Variants in BCAS3 observed in about 807,000 individuals in gnomAD.
BCAS3 encodes BCAS4/BCAS3 fusion.
BCAS3 carries 53 observed loss-of-function variants against 116.1 expected under a neutral mutation model. The observed-to-expected ratio is 0.46, with a 90% CI of 0.37 to 0.57. BCAS3 has a LOEUF of 0.57. BCAS3 is among the 20% of genes least tolerant of loss of function. The pLI is 0.00. For missense variants in BCAS3, 917 were observed against 1,165.4 expected (o/e 0.79, Z 3.10); for synonymous variants, 391 against 408.2 (o/e 0.96, Z 0.51).
At chr17:61,318,762 G>A (rs1176594338) in intron 22 of BCAS3, among the ~76,000 whole-genome samples, 1 of 152,170 alleles carries the variant, frequency 6.6e-6, no homozygotes, top group African/African-American at 2.4e-5. Flanking sequence ...AGTCCAGCTG[G>A]CGTGTCTTTG....
At chr17:60,711,387 A>G (rs1197920794) in intron 5 of BCAS3, among the ~76,000 whole-genome samples, 1 of 152,062 alleles carries the variant, frequency 6.6e-6, no homozygotes, top group East Asian at 1.9e-4. Flanking sequence ...TTGTGATAAA[A>G]CAAAAGGGTT....
At chr17:61,120,699 A>G (rs982083726) in intron 22 of BCAS3, among the ~76,000 whole-genome samples, 1 of 152,136 alleles carries the variant, frequency 6.6e-6, no homozygotes, top group Non-Finnish European at 1.5e-5. Flanking sequence ...TTTAGTACAT[A>G]TCTCTAAAAA....
chr17:60,729,397 G>A (rs2040236110), intron 5 of BCAS3, among the ~76,000 whole-genome samples: 2 of 148,526 alleles, frequency 1.3e-5, no homozygotes, highest in African/African-American at 5.0e-5. Flanking sequence ...TAGAAATTGT[G>A]GCCCCATCAC....
At chr17:60,889,845 G>A in intron 10 of BCAS3, 74 bp downstream of exon 10, 1 of 1,342,182 alleles carries the variant, frequency 7.5e-7, no homozygotes, top group Admixed American at 1.8e-5. Flanking sequence ...AAATACCTGT[G>A]CTCCATAGTT....
intron 7 of BCAS3, among the ~76,000 whole-genome samples, chr17:60,858,690 A>G (rs2053890645): frequency 6.6e-6 from 1 of 152,058 alleles, no homozygotes; most frequent in Non-Finnish European, 1.5e-5. Context: ...TGACTGTACC[A>G]TTTTGCGTCT....
intron 22 of BCAS3, among the ~76,000 whole-genome samples, chr17:61,340,276 A>C (rs1447996730): frequency 6.8e-6 from 1 of 147,568 alleles, no homozygotes; most frequent in Non-Finnish European, 1.5e-5. Context: ...GGGCTGGTGC[A>C]TACATGGAGG....
intron 7 of BCAS3, among the ~76,000 whole-genome samples, chr17:60,819,260 GA>G (rs2144673714): frequency 6.6e-6 from 1 of 152,208 alleles, no homozygotes; most frequent in African/African-American, 2.4e-5. Flanking sequence ...ACACCTGACT[GA>G]CACTTAATAC....
At chr17:60,928,421 ATT>A (rs1030624523) in intron 13 of BCAS3, among the ~76,000 whole-genome samples, 2 of 152,188 alleles carry the variant, frequency 1.3e-5, no homozygotes, top group African/African-American at 4.8e-5. Flanking sequence ...TAGTGGACTC[ATT>A]AGTTTGTTGT....
chr17:60,890,777 T>C (rs2145004875), intron 10 of BCAS3, among the ~76,000 whole-genome samples: 1 of 152,340 alleles, frequency 6.6e-6, no homozygotes, highest in Middle Eastern at 3.4e-3. Context: ...TTACTATTTT[T>C]GGTTTCGTTT....
intron 4 of BCAS3, among the ~76,000 whole-genome samples, chr17:60,708,945 C>T (rs2037519927): frequency 6.6e-6 from 1 of 152,108 alleles, no homozygotes; most frequent in Non-Finnish European, 1.5e-5. Context: ...AGGTGTAAGC[C>T]ACCATGCCCA....
intron 6 of BCAS3, among the ~76,000 whole-genome samples, chr17:60,761,355 C>A (rs760449643): frequency 6.6e-6 from 1 of 151,950 alleles, no homozygotes; most frequent in South Asian, 2.1e-4. Context: ...AATGCTCTCC[C>A]GCCCCCATGC....
intron 22 of BCAS3, among the ~76,000 whole-genome samples, chr17:61,109,412 T>C (rs957863576): frequency 6.6e-6 from 1 of 152,158 alleles, no homozygotes; most frequent in Non-Finnish European, 1.5e-5. Context: ...TATAAACGTG[T>C]GTGCAAGTAT....
At chr17:60,859,720 G>C (rs1213576323) in intron 7 of BCAS3, among the ~76,000 whole-genome samples, 1 of 151,574 alleles carries the variant, frequency 6.6e-6, no homozygotes, top group African/African-American at 2.4e-5. Context: ...AGGTGTGCAC[G>C]ACCACGCCCA....
chr17:60,973,586 A>AATATATATAT (rs34671111), intron 14 of BCAS3, among the ~76,000 whole-genome samples: 2 of 137,976 alleles, frequency 1.4e-5, no homozygotes, highest in African/African-American at 5.7e-5. Context: ...CCTTATTATT[A>AATATATATAT]ATATATATAT....
rs531347801 is a variant in BCAS3, at chr17:60,808,361, T to A, written c.476+285T>A. Among the ~76,000 whole-genome samples the A allele has an allele frequency of 1.2e-4, 18 of 152,358 alleles. No individual in the cohort carries two copies. In the East Asian group the frequency reaches 3.5e-3, roughly 29 times the overall value. On this transcript the variant is annotated intron_variant, in intron 7 of 23. Coordinates refer to ENST00000407086, the MANE Select transcript of BCAS3 (RefSeq NM_017679.5). ...ATATCTTTCCAGTTAGTGCATTCCC[T>A]CAAATTGAACTTCTGGCTGCAAGGA...
Position 61,189,307 on chromosome 17 carries a change from A to G in BCAS3, c.2425+104743A>G, listed in dbSNP as rs2079963781. Among the ~76,000 whole-genome samples, 1 of 152,208 alleles carries G rather than the reference A, an allele frequency of 6.6e-6. No individual in the cohort carries two copies. Among genetic ancestry groups the G allele is most frequent in the African/African-American group, 2.4e-5 (1 of 41,452 alleles). ...AAGCATAAGTGAAGGCACAGTAGCA[A>G]GAGAAGCCATGGTATATTCAAAGAG... On this transcript the variant is annotated intron_variant, in intron 22 of 23. Transcript: ENST00000407086. This position sits in a 1 kb window ranked among gnomAD's most constrained non-coding sequence, Gnocchi z 4.5.
intron 23 of BCAS3, among the ~76,000 whole-genome samples, chr17:61,370,026 G>A (rs771935743): frequency 1.3e-5 from 2 of 152,210 alleles, no homozygotes; most frequent in African/African-American, 2.4e-5. Context: ...GCCCCTTGGA[G>A]CATCTCACTG....
At chr17:61,238,696 C>T (rs188980595) in intron 22 of BCAS3, among the ~76,000 whole-genome samples, 1 of 152,246 alleles carries the variant, frequency 6.6e-6, no homozygotes, top group Non-Finnish European at 1.5e-5. Context: ...CTCCATTTCC[C>T]AGTTTCCACG....
At chr17:60,941,665 A>G (rs985139457) in intron 13 of BCAS3, among the ~76,000 whole-genome samples, 2 of 152,224 alleles carry the variant, frequency 1.3e-5, no homozygotes, top group Non-Finnish European at 2.9e-5. Flanking sequence ...AGAGAAGATA[A>G]TAGGCATAAT....
Sources: allele counts gnomAD v4.1 joint callset (sites outside exome capture counted in the v4.1 genomes callset), GRCh38; gene constraint gnomAD v4.1.1; non-coding constraint Gnocchi (gnomAD v3.1); transcripts MANE v1.5; gene names NCBI Gene and HGNC (gene_info 2026-07-23, HGNC 2026-07-21).